TRAPPC9: variants seen among roughly 807,000 people sequenced by gnomAD.
TRAPPC9 encodes the protein trafficking protein particle complex subunit 9.
In TRAPPC9, 83 loss-of-function variants were observed where a neutral mutation model predicts 124.0. The ratio of observed to expected loss-of-function variants is 0.67; its 90% CI spans 0.56 to 0.80. The LOEUF is 0.80. Among genes scored for constraint, TRAPPC9 ranks in the 30% least tolerant of loss-of-function variants. The probability of loss-of-function intolerance (pLI) is 0.00; values close to 1 mark genes in which losing one functional copy is unlikely to be tolerated. For synonymous variants in TRAPPC9, 638 were observed against 617.5 expected (o/e 1.03, Z -0.49); for missense variants, 1,302 against 1,508.3 (o/e 0.86, Z 2.27).
intron 20 of TRAPPC9, among the ~76,000 whole-genome samples, chr8:139,886,368 G>A (rs1454116064): frequency 3.3e-5 from 5 of 152,214 alleles, no homozygotes. Flanking sequence ...TCAGTTTCAT[G>A]CTGGTTTCAC....
At chr8:139,811,469 G>A (rs1332051912) in intron 21 of TRAPPC9, among the ~76,000 whole-genome samples, 1 of 152,202 alleles carries the variant, frequency 6.6e-6, no homozygotes, top group Non-Finnish European at 1.5e-5. Context: ...TGAGGGCCTA[G>A]AACAAATGAG....
intron 6 of TRAPPC9, among the ~76,000 whole-genome samples, chr8:140,401,256 A>G (rs977212442): frequency 6.6e-6 from 1 of 152,232 alleles, no homozygotes; most frequent in African/African-American, 2.4e-5. Flanking sequence ...AAGGTGGGAC[A>G]AGCAGTTTTA....
chr8:140,298,673 T>G (rs753534032), intron 11 of TRAPPC9, among the ~76,000 whole-genome samples: 52 of 151,866 alleles, frequency 3.4e-4, no homozygotes, highest in Non-Finnish European at 4.6e-4. Flanking sequence ...AAAGATGATG[T>G]GCTACACGTA....
At chr8:140,357,568 C>T (rs975271047) in intron 9 of TRAPPC9, among the ~76,000 whole-genome samples, 7 of 151,794 alleles carry the variant, frequency 4.6e-5, no homozygotes, top group Admixed American at 4.6e-4. Context: ...TGCTGGATCA[C>T]GGGGAGGCTC....
chr8:140,194,256 C>T (rs1399174467), intron 17 of TRAPPC9, among the ~76,000 whole-genome samples: 2 of 152,046 alleles, frequency 1.3e-5, no homozygotes, highest in East Asian at 3.9e-4. Flanking sequence ...CCCCAGCCCG[C>T]ACCCCTTCAC....
intron 13 of TRAPPC9, among the ~76,000 whole-genome samples, chr8:140,287,088 G>C (rs1392269877): frequency 6.6e-6 from 1 of 152,206 alleles, no homozygotes; most frequent in East Asian, 1.9e-4. Flanking sequence ...GCAGCAGCCA[G>C]AGGAGAGGGC....
chr8:140,312,164 T>G (rs1407219741), intron 9 of TRAPPC9, among the ~76,000 whole-genome samples: 1 of 152,090 alleles, frequency 6.6e-6, no homozygotes, highest in Non-Finnish European at 1.5e-5. Flanking sequence ...CTCCCTAGAG[T>G]GTTTTAAAGA....
intron 19 of TRAPPC9, among the ~76,000 whole-genome samples, chr8:139,979,988 T>A (rs1375126188): frequency 6.6e-6 from 1 of 152,074 alleles, no homozygotes; most frequent in Admixed American, 6.5e-5. Flanking sequence ...GAAGAAGCGA[T>A]CTGCTCTCCC....
chr8:139,855,953 A>C (rs941536980), intron 21 of TRAPPC9, among the ~76,000 whole-genome samples: 1 of 152,226 alleles, frequency 6.6e-6, no homozygotes, highest in Non-Finnish European at 1.5e-5. Context: ...GTTGAGACAG[A>C]TAGAATTGGG....
chr8:140,086,883 G>C (rs980114008), intron 17 of TRAPPC9, among the ~76,000 whole-genome samples: 12 of 151,902 alleles, frequency 7.9e-5, no homozygotes, highest in Non-Finnish European at 1.5e-4. Context: ...AGTGAGCCAA[G>C]ATCACGCCAC....
At chr8:140,421,867 C>T (rs1489706388) in intron 5 of TRAPPC9, among the ~76,000 whole-genome samples, 2 of 151,242 alleles carry the variant, frequency 1.3e-5, no homozygotes, top group African/African-American at 2.4e-5. Context: ...CAGTGATCAC[C>T]ACTGCAGAGT....
intron 9 of TRAPPC9, among the ~76,000 whole-genome samples, chr8:140,347,718 G>A (rs1484528847): frequency 6.6e-6 from 1 of 152,178 alleles, no homozygotes; most frequent in Non-Finnish European, 1.5e-5. Context: ...CAATAGAGTT[G>A]ACTCCTACTG....
At chr8:139,821,469 C>A (rs1825248856) in intron 21 of TRAPPC9, among the ~76,000 whole-genome samples, 1 of 152,124 alleles carries the variant, frequency 6.6e-6, no homozygotes, top group African/African-American at 2.4e-5. Context: ...ATAGCAGGAC[C>A]CCGCTTCTGT....
chr8:140,038,796 T>C (rs1841074827), intron 17 of TRAPPC9, among the ~76,000 whole-genome samples: 1 of 152,210 alleles, frequency 6.6e-6, no homozygotes, highest in South Asian at 2.1e-4. Flanking sequence ...ATCCACGTGC[T>C]TAGATGGTTC....
At chr8:140,283,004 A>G (rs1430589249) in intron 14 of TRAPPC9, among the ~76,000 whole-genome samples, 1 of 152,112 alleles carries the variant, frequency 6.6e-6, no homozygotes, top group African/African-American at 2.4e-5. Flanking sequence ...TTGGGAGGCC[A>G]AGATGGGTGG....
intron 17 of TRAPPC9, among the ~76,000 whole-genome samples, chr8:140,035,162 T>C (rs1840797870): frequency 6.6e-6 from 1 of 152,268 alleles, no homozygotes; most frequent in Non-Finnish European, 1.5e-5. Context: ...AGCAGAATTG[T>C]CCTTACATTA....
chr8:140,006,902 T>C (rs1260738879), intron 18 of TRAPPC9, among the ~76,000 whole-genome samples: 1 of 152,156 alleles, frequency 6.6e-6, no homozygotes, highest in Non-Finnish European at 1.5e-5. Flanking sequence ...TAAAATCAGA[T>C]TGTTGTGACG....
chr8:140,020,390 T>C (rs1839764039), intron 18 of TRAPPC9, among the ~76,000 whole-genome samples: 1 of 152,160 alleles, frequency 6.6e-6, no homozygotes, highest in East Asian at 1.9e-4. Flanking sequence ...CTTTCGGAGG[T>C]TGAAGCAGGA....
intron 20 of TRAPPC9, among the ~76,000 whole-genome samples, chr8:139,892,557 G>A (rs115459951): frequency 0.022 from 3,423 of 152,304 alleles, 115 homozygotes; most frequent in African/African-American, 0.078. Context: ...CGATGATGAC[G>A]TCTGCCAGTC....
Sources: allele counts gnomAD v4.1 joint callset (sites outside exome capture counted in the v4.1 genomes callset), GRCh38; gene constraint gnomAD v4.1.1; transcripts MANE v1.5; gene names NCBI Gene and HGNC (gene_info 2026-07-23, HGNC 2026-07-21).